MAP3K3: variants seen among roughly 807,000 people sequenced by gnomAD.
The protein encoded by MAP3K3 is mitogen-activated protein kinase kinase kinase 3, also known as MAP/ERK kinase kinase 3.
Under a neutral mutation model 80.9 loss-of-function variants are expected in MAP3K3, and 12 were observed. That is an observed-to-expected ratio of 0.15 (90% confidence interval 0.10 to 0.24). The LOEUF is 0.24. Among genes scored for constraint, MAP3K3 ranks in the 10% least tolerant of loss-of-function variants. The pLI is 1.00. For synonymous variants in MAP3K3, 272 were observed against 307.1 expected (o/e 0.89, Z 1.19); for missense variants, 596 against 834.7 (o/e 0.71, Z 3.52).
intron 2 of MAP3K3, chr17:63,637,117 C>T (rs1167609773): frequency 2.8e-6 from 1 of 356,968 alleles, no homozygotes; most frequent in Admixed American, 3.7e-5. Flanking sequence ...GGTCTGAAGC[C>T]TTAGAGTGTG....
chr17:63,666,633 C>G lies in MAP3K3; in HGVS notation c.382-307C>G, dbSNP rs541655557. ...ATTTTATGAGAGGGTATTTACAGCT[C>G]TCTTTTCTGTTTTGCAGATTATTAC... On this transcript the variant is annotated intron_variant, in intron 5 of 15. Transcript: ENST00000361733. Among the ~76,000 whole-genome samples the G allele has an allele frequency of 4.6e-5, 7 of 152,318 alleles. 1 individual carries two copies. The South Asian group carries it at 1.4e-3, about 32-fold the overall frequency.
At position 63,650,686 on chromosome 17, in the gene MAP3K3, G is replaced by A. The variant is rs112023882; in HGVS notation, c.168-1871G>A. Among the ~76,000 whole-genome samples, 1,305 of 147,550 alleles carry A rather than the reference G, an allele frequency of 8.8e-3. 26 individuals carry two copies. Among genetic ancestry groups the A allele is most frequent in the African/African-American group, 0.032 (1,215 of 38,532 alleles). On this transcript the variant is annotated intron_variant, in intron 3 of 15. Transcript: ENST00000361733. ...AGAGAGAGAGAGAGAGAGAGAGAGA[G>A]AGAGAGAGAGTTTTTTTTTTTTTTA...
At chr17:63,680,304 G>A (rs1277829090) in intron 6 of MAP3K3, among the ~76,000 whole-genome samples, 1 of 152,180 alleles carries the variant, frequency 6.6e-6, no homozygotes, top group Non-Finnish European at 1.5e-5. Flanking sequence ...AGGGAATGGA[G>A]GGCTCTTGTG....
intron 3 of MAP3K3, 63 bp downstream of exon 3, chr17:63,646,137 G>C: frequency 4.9e-6 from 7 of 1,426,980 alleles, no homozygotes; most frequent in Non-Finnish European, 6.9e-6. Flanking sequence ...ATAGCATTGA[G>C]TTCATGGAAG....
chr17:63,674,777 G>A (rs555170021), intron 6 of MAP3K3, among the ~76,000 whole-genome samples: 3 of 152,238 alleles, frequency 2.0e-5, no homozygotes, highest in East Asian at 1.9e-4. Flanking sequence ...GAGATGAATC[G>A]AGTCCAGGTA....
At chr17:63,676,515 C>A (rs1326941698) in intron 6 of MAP3K3, among the ~76,000 whole-genome samples, 2 of 152,318 alleles carry the variant, frequency 1.3e-5, no homozygotes, top group African/African-American at 4.8e-5. Context: ...CAGTCCCTTA[C>A]AAGAGACATT....
At chr17:63,659,628 G>C (rs2034845385) in intron 5 of MAP3K3, among the ~76,000 whole-genome samples, 1 of 150,730 alleles carries the variant, frequency 6.6e-6, no homozygotes, top group Admixed American at 6.6e-5. Context: ...CACCTCCCGG[G>C]TTCAAGCAAT....
chr17:63,673,499 G>A (rs2035152639), intron 6 of MAP3K3, among the ~76,000 whole-genome samples: 1 of 152,120 alleles, frequency 6.6e-6, no homozygotes, highest in Non-Finnish European at 1.5e-5. Flanking sequence ...TTCCTTACCT[G>A]AAGACATCCT....
Position 63,692,466 on chromosome 17 carries a change from T to C in MAP3K3, c.1652+47T>C, listed in dbSNP as rs1206044472. On this transcript the variant is annotated intron_variant, in intron 15 of 15. Transcript: ENST00000361733. The surrounding 1 kb of genome is among the most constrained non-coding windows in gnomAD (Gnocchi z 4.5). Reference sequence around the variant, plus strand: ...ACCCATTCTTCCACCCAGGCCATAGTGGCCCCCCATTAGAAACACACCCTG... The same window carrying C: ...ACCCATTCTTCCACCCAGGCCATAGCGGCCCCCCATTAGAAACACACCCTG... The C allele has an allele frequency of 1.3e-6, 2 of 1,544,696 alleles. No individual in the cohort carries two copies. The highest frequency in any genetic ancestry group is 2.3e-5 in the East Asian group (1 of 43,686).
rs112941800 is a variant in MAP3K3 at position 63,647,273 on chromosome 17, C to G, written c.167+1199C>G. ...AGGCCTGGAGGGAGGAAGGTCTGAG[C>G]TCTGTCCCCAGCTGCTCTTCCTGTG... On this transcript the variant is annotated intron_variant, in intron 3 of 15. Coordinates refer to ENST00000361733, the MANE Select transcript of MAP3K3 (RefSeq NM_002401.5). Among the ~76,000 whole-genome samples, 1,394 of 152,278 alleles carry G rather than the reference C, an allele frequency of 9.2e-3. 22 individuals are homozygous for G. Among genetic ancestry groups the G allele is most frequent in the African/African-American group, 0.031 (1,304 of 41,536 alleles).
rs2035017212 is a variant in MAP3K3, at chr17:63,667,163, C to T, written c.502+103C>T. The T allele has an allele frequency of 1.3e-5, 17 of 1,299,680 alleles. 1 individual carries two copies. Among genetic ancestry groups the T allele is most frequent in the South Asian group, 9.2e-5 (6 of 65,182 alleles). The allele number at this position is 1,299,680 out of a possible 1,614,324, so 80.5% of individuals were successfully genotyped here. On this transcript the variant is annotated intron_variant, in intron 6 of 15. Coordinates refer to ENST00000361733, the MANE Select transcript of MAP3K3 (RefSeq NM_002401.5). Reference sequence around the variant, plus strand: ...TAAATAATCATCAAATATTTATTAACTATTACTCTGTGTAGAGTAATCCTT... The same window carrying T: ...TAAATAATCATCAAATATTTATTAATTATTACTCTGTGTAGAGTAATCCTT...
intron 1 of MAP3K3, among the ~76,000 whole-genome samples, chr17:63,627,919 T>TG (rs1329831330): frequency 4.0e-5 from 6 of 151,488 alleles, no homozygotes; most frequent in Non-Finnish European, 8.8e-5. Context: ...TTTTTTTTTT[T>TG]TCTGAGACAG....
At chr17:63,668,272 A>G (rs755526432) in intron 6 of MAP3K3, 4 of 152,228 alleles carry the variant, frequency 2.6e-5, no homozygotes, top group Non-Finnish European at 5.9e-5. Context: ...CAGGAAAAAT[A>G]TGTTTCTGAG....
At chr17:63,661,350 C>G (rs906706670) in intron 5 of MAP3K3, among the ~76,000 whole-genome samples, 2 of 152,102 alleles carry the variant, frequency 1.3e-5, no homozygotes, top group Non-Finnish European at 2.9e-5. Context: ...TCTGGCCAGT[C>G]TCTTTGTCTG....
At chr17:63,685,133 A>G (rs1292232387) in intron 7 of MAP3K3, among the ~76,000 whole-genome samples, 1 of 152,166 alleles carries the variant, frequency 6.6e-6, no homozygotes, top group African/African-American at 2.4e-5. Flanking sequence ...TTTGTAAATT[A>G]TAAATTATGG....
intron 3 of MAP3K3, among the ~76,000 whole-genome samples, chr17:63,647,233 T>C (rs936713272): frequency 1.4e-4 from 21 of 152,292 alleles, no homozygotes; most frequent in African/African-American, 4.8e-4. Flanking sequence ...GTCCTTCTGC[T>C]CCTATGTGAG....
At chr17:63,690,995 C>T (rs766786491) in intron 12 of MAP3K3, 107 bp from the exon 13 acceptor site, 1 of 1,384,674 alleles carries the variant, frequency 7.2e-7, no homozygotes, top group Non-Finnish European at 1.0e-6. Context: ...AACTGCAGTT[C>T]CCAAGGCAGA....
In MAP3K3 at chr17:63,622,656, G is replaced by T. The variant is rs964538217; in HGVS notation, c.-104G>T. ...GAGCGCAGCCCGCGCCCCCCGCGCGGAGCCAGGCCCGCTGCCGTCCCCGCC... is the reference window on the plus strand; with the variant it reads ...GAGCGCAGCCCGCGCCCCCCGCGCGTAGCCAGGCCCGCTGCCGTCCCCGCC... On this transcript the variant is annotated 5_prime_UTR_variant, in exon 1 of 16. Coordinates refer to ENST00000361733, the MANE Select transcript of MAP3K3 (RefSeq NM_002401.5). The T allele has an allele frequency of 6.4e-5, 20 of 312,654 alleles. No individual in the cohort carries two copies. Among genetic ancestry groups the T allele is most frequent in the African/African-American group, 3.9e-4 (17 of 43,682 alleles). The allele number at this position is 312,654 out of a possible 1,614,324, so 19.4% of individuals were successfully genotyped here. A position where few individuals can be genotyped will look rare whatever the true frequency, so the allele number is the denominator to read the frequency against.
At chr17:63,628,485 C>T (rs2034151542) in intron 1 of MAP3K3, among the ~76,000 whole-genome samples, 2 of 151,534 alleles carry the variant, frequency 1.3e-5, no homozygotes, top group East Asian at 1.9e-4. Context: ...CTCAGCCTCC[C>T]GTGTAGATGG....
Sources: allele counts gnomAD v4.1 joint callset (sites outside exome capture counted in the v4.1 genomes callset), GRCh38; gene constraint gnomAD v4.1.1; non-coding constraint Gnocchi (gnomAD v3.1); transcripts MANE v1.5; gene names NCBI Gene and HGNC (gene_info 2026-07-23, HGNC 2026-07-21).